Variants in KCNMA1 observed in about 807,000 individuals in gnomAD.
The protein encoded by KCNMA1 is potassium calcium-activated channel subfamily M alpha 1.
KCNMA1 carries 29 observed loss-of-function variants against 140.0 expected under a neutral mutation model. The observed-to-expected ratio is 0.21, with a 90% confidence interval of 0.15 to 0.28. The LOEUF (loss-of-function observed/expected upper bound fraction) is 0.28. Among genes scored for constraint, KCNMA1 ranks in the 10% least tolerant of loss-of-function variants. KCNMA1 has a pLI of 1.00. For missense variants in KCNMA1, 880 were observed against 1,602.2 expected (o/e 0.55, Z 7.70); for synonymous variants, 612 against 611.9 (o/e 1.00, Z 0.00).
At chr10:77,441,057 T>G (rs556430645) in intron 1 of KCNMA1, among the ~76,000 whole-genome samples, 128 of 152,022 alleles carry the variant, frequency 8.4e-4, no homozygotes, top group Non-Finnish European at 1.6e-3. Context: ...TCTCCTGACC[T>G]CGTGATCCAC....
intron 17 of KCNMA1, among the ~76,000 whole-genome samples, chr10:77,016,533 G>T (rs1308507423): frequency 6.6e-6 from 1 of 152,228 alleles, no homozygotes; most frequent in Non-Finnish European, 1.5e-5. Flanking sequence ...CAGGAGAAAT[G>T]AGTAATAAGG....
intron 1 of KCNMA1, among the ~76,000 whole-genome samples, chr10:77,567,871 T>C (rs1323992676): frequency 6.6e-6 from 1 of 152,198 alleles, no homozygotes; most frequent in Non-Finnish European, 1.5e-5. Context: ...GCAAGTGGAC[T>C]GCTTGAGCTC....
chr10:77,560,662 G>A (rs2066063310), intron 1 of KCNMA1, among the ~76,000 whole-genome samples: 1 of 152,208 alleles, frequency 6.6e-6, no homozygotes, highest in African/African-American at 2.4e-5. Flanking sequence ...GTGGTCTCTA[G>A]TGCCATTGAG....
At chr10:76,966,572 C>G (rs1043152688) in intron 20 of KCNMA1, among the ~76,000 whole-genome samples, 1 of 152,140 alleles carries the variant, frequency 6.6e-6, no homozygotes, top group Non-Finnish European at 1.5e-5. Flanking sequence ...AAACTTTGTG[C>G]CCCCCTAGGA....
chr10:77,532,891 T>C (rs2058022866), intron 1 of KCNMA1, among the ~76,000 whole-genome samples: 2 of 152,180 alleles, frequency 1.3e-5, no homozygotes, highest in South Asian at 4.2e-4. Context: ...GCTATCCTGA[T>C]GATACTGACA....
At chr10:77,266,493 A>G (rs1310674726) in intron 2 of KCNMA1, among the ~76,000 whole-genome samples, 1 of 152,200 alleles carries the variant, frequency 6.6e-6, no homozygotes, top group Admixed American at 6.5e-5. Flanking sequence ...CCTCTCCAGC[A>G]TTACCTATGT....
At chr10:77,473,926 C>G (rs987336289) in intron 1 of KCNMA1, among the ~76,000 whole-genome samples, 4 of 152,194 alleles carry the variant, frequency 2.6e-5, no homozygotes, top group Admixed American at 2.6e-4. Flanking sequence ...GGACTGCCAG[C>G]TAGCTCCCCG....
intron 24 of KCNMA1, chr10:76,911,204 TAAAA>T (rs34246496): frequency 3.0e-5 from 4 of 133,194 alleles, no homozygotes; most frequent in East Asian, 2.5e-4. Context: ...TCTTCTTTTT[TAAAA>T]AAAAAAAACT....
chr10:77,493,027 C>A (rs1195823222), intron 1 of KCNMA1, among the ~76,000 whole-genome samples: 1 of 152,196 alleles, frequency 6.6e-6, no homozygotes, highest in Non-Finnish European at 1.5e-5. Context: ...GAACACAAGT[C>A]TAAGTTTATT....
chr10:77,041,084 A>C, intron 14 of KCNMA1, among the ~76,000 whole-genome samples: 1 of 151,712 alleles, frequency 6.6e-6, no homozygotes. Flanking sequence ...TGGGTTCAAG[A>C]GATTCTATTG....
chr10:77,621,694 G>A (rs961905788), intron 1 of KCNMA1, among the ~76,000 whole-genome samples: 2 of 152,096 alleles, frequency 1.3e-5, no homozygotes, highest in East Asian at 1.9e-4. Context: ...TTTGGGGGCC[G>A]AGGCAGGTGG....
intron 2 of KCNMA1, among the ~76,000 whole-genome samples, chr10:77,392,968 C>T (rs949632705): frequency 1.3e-5 from 2 of 152,252 alleles, no homozygotes; most frequent in African/African-American, 2.4e-5. Flanking sequence ...TCCTGTGACA[C>T]ATGCGCCCAC....
chr10:77,122,534 C>A (rs1164701915), intron 5 of KCNMA1, among the ~76,000 whole-genome samples: 12 of 149,596 alleles, frequency 8.0e-5, no homozygotes, highest in Non-Finnish European at 1.5e-4. Context: ...CCTCAGAAAG[C>A]AGAGAAAATA....
chr10:76,939,247 A>T (rs2061393016), intron 23 of KCNMA1: 2 of 151,092 alleles, frequency 1.3e-5, no homozygotes, highest in African/African-American at 4.9e-5. Context: ...TAGCCTCCCA[A>T]GTAGCTGGGA....
chr10:77,298,334 C>A (rs973130929), intron 2 of KCNMA1, among the ~76,000 whole-genome samples: 2 of 151,492 alleles, frequency 1.3e-5, no homozygotes, highest in Non-Finnish European at 2.9e-5. Flanking sequence ...CCTCCACCTC[C>A]TGGGCTCAAG....
intron 2 of KCNMA1, among the ~76,000 whole-genome samples, chr10:77,310,161 G>C (rs1375079777): frequency 6.6e-6 from 1 of 152,148 alleles, no homozygotes; most frequent in Non-Finnish European, 1.5e-5. Flanking sequence ...GAACCACTAG[G>C]GATGATAATT....
intron 5 of KCNMA1, among the ~76,000 whole-genome samples, chr10:77,156,327 TAGG>T (rs1409181737): frequency 6.6e-6 from 1 of 152,068 alleles, no homozygotes; most frequent in Non-Finnish European, 1.5e-5. Flanking sequence ...CAGCATGTCT[TAGG>T]AGGTAAAAGT....
chr10:77,110,701 A>G (rs2097299344), intron 7 of KCNMA1, among the ~76,000 whole-genome samples: 1 of 152,254 alleles, frequency 6.6e-6, no homozygotes, highest in Non-Finnish European at 1.5e-5. Flanking sequence ...CTTCAAGGAA[A>G]GAGCCAGAGA....
chr10:76,912,226 A>G (rs1381446009), intron 24 of KCNMA1: 1 of 152,228 alleles, frequency 6.6e-6, no homozygotes, highest in African/African-American at 2.4e-5. Flanking sequence ...GTGGTCAAAT[A>G]CAATTGGAAT....
Sources: allele counts gnomAD v4.1 joint callset (sites outside exome capture counted in the v4.1 genomes callset), GRCh38; gene constraint gnomAD v4.1.1; transcripts MANE v1.5; gene names NCBI Gene and HGNC (gene_info 2026-07-23, HGNC 2026-07-21).